CTNND2: variants seen among roughly 807,000 people sequenced by gnomAD.
CTNND2 encodes catenin delta-2.
CTNND2 carries 22 observed loss-of-function variants against 144.4 expected under a neutral mutation model. That is an observed-to-expected ratio of 0.15 (90% CI 0.11 to 0.22). The LOEUF (loss-of-function observed/expected upper bound fraction) is 0.22. Among genes scored for constraint, CTNND2 ranks in the 10% least tolerant of loss-of-function variants. The probability of loss-of-function intolerance (pLI) is 1.00; values close to 1 mark genes in which losing one functional copy is unlikely to be tolerated. For synonymous variants in CTNND2, 751 were observed against 695.6 expected (o/e 1.08, Z -1.25); for missense variants, 1,353 against 1,618.8 (o/e 0.84, Z 2.82).
chr5:11,744,713 A>G (rs189350192), intron 1 of CTNND2, among the ~76,000 whole-genome samples: 39 of 150,182 alleles, frequency 2.6e-4, no homozygotes, highest in East Asian at 2.6e-3. Context: ...GTGTGTGTGC[A>G]CGTGTGTGTG....
intron 3 of CTNND2, among the ~76,000 whole-genome samples, chr5:11,422,187 C>A (rs1041700336): frequency 2.0e-5 from 3 of 151,686 alleles, no homozygotes; most frequent in Non-Finnish European, 4.4e-5. Context: ...ATATAAGTTA[C>A]AGGCTCTGTA....
chr5:11,429,413 G>A (rs549556260), intron 3 of CTNND2, among the ~76,000 whole-genome samples: 17 of 152,284 alleles, frequency 1.1e-4, no homozygotes, highest in Middle Eastern at 6.8e-3. Context: ...GCATGTCCCC[G>A]TTCTGCCTCT....
chr5:11,362,025 G>C (rs1016939866), intron 8 of CTNND2, among the ~76,000 whole-genome samples: 2 of 152,140 alleles, frequency 1.3e-5, no homozygotes, highest in Non-Finnish European at 2.9e-5. Flanking sequence ...TCTGAGCTAA[G>C]AGCCAGAGAC....
intron 14 of CTNND2, among the ~76,000 whole-genome samples, chr5:11,106,317 G>T (rs148670268): frequency 6.6e-6 from 1 of 152,308 alleles, no homozygotes; most frequent in East Asian, 1.9e-4. Flanking sequence ...CTAGGAATAG[G>T]GGATTGGTTC....
intron 3 of CTNND2, among the ~76,000 whole-genome samples, chr5:11,558,341 CGTGTGT>C (rs59741742): frequency 2.0e-3 from 262 of 132,214 alleles, no homozygotes; most frequent in African/African-American, 5.7e-3. Flanking sequence ...GTGAGAAACA[CGTGTGT>C]GTGTGTGTGT....
intron 3 of CTNND2, among the ~76,000 whole-genome samples, chr5:11,559,846 G>T (rs954254693): frequency 6.6e-6 from 1 of 152,130 alleles, no homozygotes; most frequent in Non-Finnish European, 1.5e-5. Flanking sequence ...GCCTTCTGAC[G>T]CCCAGTGCCA....
chr5:11,585,600 C>T (rs1057323238), intron 2 of CTNND2, among the ~76,000 whole-genome samples: 1 of 151,880 alleles, frequency 6.6e-6, no homozygotes, highest in Admixed American at 6.6e-5. Context: ...TGAAAAAAAT[C>T]AGACAAAAAT....
chr5:11,248,946 T>C (rs2149926836), intron 9 of CTNND2, among the ~76,000 whole-genome samples: 1 of 152,332 alleles, frequency 6.6e-6, no homozygotes. Flanking sequence ...TCTCAGATAA[T>C]ATTGAGCAGA....
intron 2 of CTNND2, among the ~76,000 whole-genome samples, chr5:11,719,488 A>G (rs1436472273): frequency 6.6e-6 from 1 of 152,238 alleles, no homozygotes; most frequent in East Asian, 1.9e-4. Context: ...GTCTGTTGTT[A>G]TAGATACTAC....
rs1202100100 is a variant in CTNND2, at chr5:11,903,550, G to C, written c.37+267C>G. ...AATACGCTTCCTCCCGGGGAGATGG[G>C]TGGCAGGGAGGGGGAGCACGCAGGG... On this transcript the variant is annotated intron_variant, in intron 1 of 21. Transcript: ENST00000304623. This position sits in a 1 kb window ranked among gnomAD's most constrained non-coding sequence, Gnocchi z 5.4. 6.6e-6 allele frequency among the ~76,000 whole-genome samples: 1 copy of C among 152,176 alleles called. No individual in the cohort carries two copies. Among genetic ancestry groups the C allele is most frequent in the African/African-American group, 2.4e-5 (1 of 41,454 alleles).
rs75199991 is a variant in CTNND2, at chr5:11,117,134, TAAA to T, written c.2277+313_2277+315del. 0.15 allele frequency among the ~76,000 whole-genome samples: 21,467 copies of T among 146,004 alleles called. 2,405 individuals carry two copies. Among genetic ancestry groups the T allele is most frequent in the East Asian group, 0.45 (2,278 of 5,044 alleles). ...CTTTTCTGTTGAAAGTGGATTACAT[TAAA>T]AAAAAAAAACTAGAAGCTTGTGAGC... On this transcript the variant is annotated intron_variant, in intron 13 of 21. Coordinates refer to ENST00000304623, the MANE Select transcript of CTNND2 (RefSeq NM_001332.4).
At chr5:11,418,314 G>T (rs1762076575) in intron 3 of CTNND2, among the ~76,000 whole-genome samples, 1 of 152,150 alleles carries the variant, frequency 6.6e-6, no homozygotes, top group Non-Finnish European at 1.5e-5. Flanking sequence ...GCTGAGGCAG[G>T]AGAATTGCTT....
At chr5:11,098,868 G>C (rs1232626058) in intron 14 of CTNND2, 120 bp from the exon 15 acceptor site, 1 of 854,216 alleles carries the variant, frequency 1.2e-6, no homozygotes, top group Non-Finnish European at 1.8e-6. Context: ...GCTGAACATA[G>C]ACTGCACGGA....
chr5:11,069,586 T>C lies in CTNND2; in HGVS notation c.2788+13110A>G, dbSNP rs144566342. ...AAAATTATACAAGGCCTGAAAAATA[T>C]AGGTAGTACAATGATCCAAAAAGCT... On this transcript the variant is annotated intron_variant, in intron 16 of 21. Coordinates refer to ENST00000304623, the MANE Select transcript of CTNND2 (RefSeq NM_001332.4). Among the ~76,000 whole-genome samples, 534 of 151,940 alleles carry C rather than the reference T, an allele frequency of 3.5e-3. 4 individuals are homozygous for C. Among genetic ancestry groups the C allele is most frequent in the African/African-American group, 0.012 (507 of 41,418 alleles).
intron 2 of CTNND2, among the ~76,000 whole-genome samples, chr5:11,722,623 T>C (rs1477918535): frequency 6.6e-6 from 1 of 152,160 alleles, no homozygotes; most frequent in Non-Finnish European, 1.5e-5. Flanking sequence ...GAAGCAAACA[T>C]GTCCTTCTTC....
intron 7 of CTNND2, among the ~76,000 whole-genome samples, chr5:11,369,745 A>C (rs1243927078): frequency 2.0e-5 from 3 of 152,152 alleles, no homozygotes; most frequent in East Asian, 3.9e-4. Flanking sequence ...CAGTGAGAAA[A>C]GAGATAAAGT....
At chr5:11,410,535 G>T (rs1761430308) in intron 5 of CTNND2, among the ~76,000 whole-genome samples, 2 of 152,008 alleles carry the variant, frequency 1.3e-5, no homozygotes, top group South Asian at 4.2e-4. Flanking sequence ...TTTTAATGAT[G>T]AAATTTTTAG....
At chr5:11,465,861 T>G (rs371626259) in intron 3 of CTNND2, among the ~76,000 whole-genome samples, 1 of 152,224 alleles carries the variant, frequency 6.6e-6, no homozygotes, top group African/African-American at 2.4e-5. Flanking sequence ...CATGGCAGAA[T>G]GCAGTTGAAG....
intron 3 of CTNND2, among the ~76,000 whole-genome samples, chr5:11,472,747 T>C (rs914005492): frequency 3.3e-5 from 5 of 152,204 alleles, no homozygotes; most frequent in Admixed American, 6.5e-5. Flanking sequence ...TATATTGCAG[T>C]ATATTTTCTA....
Sources: allele counts gnomAD v4.1 joint callset (sites outside exome capture counted in the v4.1 genomes callset), GRCh38; gene constraint gnomAD v4.1.1; non-coding constraint Gnocchi (gnomAD v3.1); transcripts MANE v1.5; gene names NCBI Gene and HGNC (gene_info 2026-07-23, HGNC 2026-07-21).